The following TMCO4 variants were observed in gnomAD, a reference collection of about 807,000 sequenced individuals.
TMCO4 encodes transmembrane and coiled-coil domains 4.
Under a neutral mutation model 64.7 loss-of-function variants are expected in TMCO4, and 58 were observed. The observed-to-expected ratio is 0.90, with a 90% confidence interval of 0.73 to 1.12. The LOEUF is 1.12. TMCO4 is among the 50% of genes most tolerant of loss of function. The pLI, the probability that TMCO4 is intolerant of heterozygous loss-of-function variation, is 0.00. For missense variants in TMCO4, 780 were observed against 825.9 expected, an observed-to-expected ratio of 0.94 and a Z score of 0.68; for synonymous variants, 325 against 346.1, an observed-to-expected ratio of 0.94 and a Z score of 0.68.
intron 4 of TMCO4, among the ~76,000 whole-genome samples, chr1:19,773,004 A>G (rs1247861388): frequency 1.3e-5 from 2 of 152,120 alleles, no homozygotes; most frequent in African/African-American, 4.8e-5. Context: ...AGCCTGGCCA[A>G]CATGGTGAAA....
At chr1:19,781,773 C>A (rs940394958) in intron 3 of TMCO4, among the ~76,000 whole-genome samples, 5 of 152,040 alleles carry the variant, frequency 3.3e-5, no homozygotes, top group Non-Finnish European at 7.4e-5. Context: ...CAGCCTCCCG[C>A]GTAGCTGGGA....
chr1:19,741,742 CTT>C (rs11404111), intron 10 of TMCO4, among the ~76,000 whole-genome samples: 1 of 142,190 alleles, frequency 7.0e-6, no homozygotes, highest in Non-Finnish European at 1.5e-5. Context: ...TTCTTTCTTT[CTT>C]TTTTTTTTTT....
chr1:19,753,940 C>T (rs1292660029), intron 7 of TMCO4, among the ~76,000 whole-genome samples: 4 of 152,158 alleles, frequency 2.6e-5, no homozygotes, highest in African/African-American at 9.7e-5. Flanking sequence ...GTATTGTTAA[C>T]AACAGCAAAT....
At chr1:19,736,044 C>T (rs761702608) in intron 13 of TMCO4, among the ~76,000 whole-genome samples, 8 of 152,184 alleles carry the variant, frequency 5.3e-5, no homozygotes, top group Non-Finnish European at 1.0e-4. Flanking sequence ...ACTACAACTG[C>T]ATGACTAAGC....
chr1:19,784,435 G>A (rs2043632935), intron 3 of TMCO4, among the ~76,000 whole-genome samples: 1 of 152,168 alleles, frequency 6.6e-6, no homozygotes, highest in Non-Finnish European at 1.5e-5. Context: ...TCGGGAGGCT[G>A]AGGCAGGAGA....
At chr1:19,726,028 C>T (rs942944565) in intron 13 of TMCO4, among the ~76,000 whole-genome samples, 1 of 152,244 alleles carries the variant, frequency 6.6e-6, no homozygotes, top group African/African-American at 2.4e-5. Flanking sequence ...GCCTTTGTGT[C>T]CCTCACGAGT....
intron 9 of TMCO4, 139 bp downstream of exon 9, chr1:19,746,317 G>T: frequency 7.7e-7 from 1 of 1,304,236 alleles, no homozygotes; most frequent in Non-Finnish European, 1.1e-6. Flanking sequence ...TGGGAAGGCT[G>T]GGACCCAGAG....
At chr1:19,736,675 C>T (rs2095456250) in intron 13 of TMCO4, among the ~76,000 whole-genome samples, 1 of 152,176 alleles carries the variant, frequency 6.6e-6, no homozygotes, top group African/African-American at 2.4e-5. Context: ...CTCACCTACC[C>T]AAGGCCAGGA....
intron 15 of TMCO4, among the ~76,000 whole-genome samples, chr1:19,691,045 T>C (rs2095189759): frequency 6.6e-6 from 1 of 152,010 alleles, no homozygotes; most frequent in South Asian, 2.1e-4. Context: ...ATTTTTTGTA[T>C]TTTTAGTAGA....
At chr1:19,771,615 C>G (rs1243422845) in intron 4 of TMCO4, 133 bp from the exon 5 acceptor site, 2 of 863,396 alleles carry the variant, frequency 2.3e-6, no homozygotes, top group Non-Finnish European at 3.4e-6. Context: ...CCCTCAAATA[C>G]AGAGGCAGTC....
chr1:19,723,315 T>G lies in TMCO4; in HGVS notation c.1264+14057A>C, dbSNP rs117683108. Among the ~76,000 whole-genome samples, 280 of 152,310 alleles carry G rather than the reference T, an allele frequency of 1.8e-3. 6 individuals carry two copies. In the East Asian group the frequency reaches 0.048, roughly 26 times the overall value. Reference sequence around the variant, plus strand: ...TGGATTTGGGATGCCCAACTTGTATTCATCTCATATGGGGGATAGTCTCTT... The same window carrying G: ...TGGATTTGGGATGCCCAACTTGTATGCATCTCATATGGGGGATAGTCTCTT... On this transcript the variant is annotated intron_variant, in intron 13 of 15. Coordinates refer to ENST00000294543, the MANE Select transcript of TMCO4 (RefSeq NM_181719.7).
chr1:19,777,138 G>T (rs989848078), intron 4 of TMCO4, among the ~76,000 whole-genome samples: 1 of 151,846 alleles, frequency 6.6e-6, no homozygotes, highest in Non-Finnish European at 1.5e-5. Flanking sequence ...TCTAGCCAAT[G>T]ACACCAAAGG....
chr1:19,716,454 A>G (rs938058135), intron 13 of TMCO4, among the ~76,000 whole-genome samples: 1 of 142,298 alleles, frequency 7.0e-6, no homozygotes, highest in Admixed American at 7.0e-5. Context: ...CTGGCCTTGA[A>G]CTCCCGACCT....
At chr1:19,707,080 C>A (rs1400482952) in intron 13 of TMCO4, among the ~76,000 whole-genome samples, 1 of 152,204 alleles carries the variant, frequency 6.6e-6, no homozygotes, top group Non-Finnish European at 1.5e-5. Context: ...AAGTTAAAGT[C>A]ATTGCAATGG....
At chr1:19,778,807 G>T (rs2043327559) in intron 4 of TMCO4, among the ~76,000 whole-genome samples, 1 of 152,110 alleles carries the variant, frequency 6.6e-6, no homozygotes, top group African/African-American at 2.4e-5. Context: ...AGGTATCTTT[G>T]CTATACTGAG....
chr1:19,767,111 C>T (rs1432361925), intron 6 of TMCO4, among the ~76,000 whole-genome samples: 3 of 152,214 alleles, frequency 2.0e-5, no homozygotes, highest in Non-Finnish European at 4.4e-5. Flanking sequence ...TGCTTCAATT[C>T]CCTAATTCCT....
intron 4 of TMCO4, among the ~76,000 whole-genome samples, chr1:19,772,425 G>A (rs1392991471): frequency 6.6e-6 from 1 of 152,188 alleles, no homozygotes; most frequent in Non-Finnish European, 1.5e-5. Flanking sequence ...CAGTCCTACA[G>A]GAGTCCCCAG....
chr1:19,788,986 A>G (rs2043886525), intron 2 of TMCO4, among the ~76,000 whole-genome samples: 1 of 151,684 alleles, frequency 6.6e-6, no homozygotes, highest in Non-Finnish European at 1.5e-5. Flanking sequence ...GAGGCAGGAG[A>G]ATGGCGTGAA....
intron 15 of TMCO4, among the ~76,000 whole-genome samples, chr1:19,691,777 T>C (rs911109210): frequency 7.9e-5 from 12 of 152,198 alleles, no homozygotes; most frequent in African/African-American, 2.4e-4. Flanking sequence ...CCCACCCAAA[T>C]CTCATCTTGA....
Sources: gnomAD v4.1 joint callset for allele counts (sites outside exome capture counted in the v4.1 genomes callset) on GRCh38, gnomAD v4.1.1 for gene constraint, MANE v1.5 for transcripts, NCBI Gene and HGNC (gene_info 2026-07-23, HGNC 2026-07-21) for gene names.